The following MBOAT2 variants were observed in gnomAD, a reference collection of about 807,000 sequenced individuals.
MBOAT2 encodes the protein membrane bound glycerophospholipid O-acyltransferase 2.
Under a neutral mutation model 63.4 loss-of-function variants are expected in MBOAT2, and 28 were observed. The ratio of observed to expected loss-of-function variants is 0.44; its 90% CI spans 0.33 to 0.61. MBOAT2 has a LOEUF of 0.61. MBOAT2 is among the 20% of genes least tolerant of loss of function. The pLI, the probability that MBOAT2 is intolerant of heterozygous loss-of-function variation, is 0.03. For missense variants in MBOAT2, 470 were observed against 605.8 expected, an observed-to-expected ratio of 0.78 and a Z score of 2.35; for synonymous variants, 211 against 215.6, an observed-to-expected ratio of 0.98 and a Z score of 0.19.
chr2:8,907,059 CTAATGT>C (rs1665383850), intron 4 of MBOAT2, among the ~76,000 whole-genome samples: 1 of 152,102 alleles, frequency 6.6e-6, no homozygotes, highest in South Asian at 2.1e-4. Flanking sequence ...CCTTAAGTTG[CTAATGT>C]TAATATTTGT....
chr2:8,948,370 G>C (rs778554207), intron 2 of MBOAT2, among the ~76,000 whole-genome samples: 2 of 151,940 alleles, frequency 1.3e-5, no homozygotes, highest in African/African-American at 2.4e-5. Context: ...TTATACTCAG[G>C]GGATACATAT....
At chr2:8,963,485 G>A (rs866931586) in intron 1 of MBOAT2, among the ~76,000 whole-genome samples, 1 of 151,980 alleles carries the variant, frequency 6.6e-6, no homozygotes, top group South Asian at 2.1e-4. Flanking sequence ...TGTATTTTTA[G>A]TAGAGATGGG....
At chr2:8,950,059 TA>T (rs1453069540) in intron 2 of MBOAT2, among the ~76,000 whole-genome samples, 2 of 152,190 alleles carry the variant, frequency 1.3e-5, no homozygotes, top group Non-Finnish European at 2.9e-5. Context: ...TATTCCTAGG[TA>T]TTTTTTTTTC....
intron 12 of MBOAT2, 52 bp downstream of exon 12, chr2:8,860,561 C>T: frequency 6.4e-7 from 1 of 1,567,476 alleles, no homozygotes; most frequent in Non-Finnish European, 8.7e-7. Context: ...AAGAAACTTT[C>T]TTTTGAAAAT....
At chr2:8,974,643 G>T (rs1183261240) in intron 1 of MBOAT2, among the ~76,000 whole-genome samples, 1 of 152,120 alleles carries the variant, frequency 6.6e-6, no homozygotes, top group Non-Finnish European at 1.5e-5. Context: ...TGTGGTAAAA[G>T]TGAGACTTAT....
intron 1 of MBOAT2, among the ~76,000 whole-genome samples, chr2:8,975,813 A>AC: frequency 6.6e-6 from 1 of 152,036 alleles, no homozygotes; most frequent in South Asian, 2.1e-4. Context: ...AAAAAAAAAA[A>AC]ACGATGGCCA....
chr2:8,876,177 A>C lies in MBOAT2; in HGVS notation c.690+853T>G, dbSNP rs559238920. ...AGAGCCTCACTGCCTTTCTTTATGA[A>C]GCAGCATCCCAGCAATTTCAAGTGC... On this transcript the variant is annotated intron_variant, in intron 7 of 12. Coordinates refer to ENST00000305997, the MANE Select transcript of MBOAT2 (RefSeq NM_138799.4). Among the ~76,000 whole-genome samples, 49 of 152,372 alleles carry C rather than the reference A, an allele frequency of 3.2e-4. 1 individual carries two copies. The South Asian group carries it at 6.6e-3, about 21-fold the overall frequency.
intron 3 of MBOAT2, among the ~76,000 whole-genome samples, chr2:8,926,721 C>T (rs1381351267): frequency 1.3e-5 from 2 of 152,194 alleles, no homozygotes; most frequent in Non-Finnish European, 2.9e-5. Flanking sequence ...CAGACAGATA[C>T]TGTAAAAATC....
chr2:8,961,360 T>C (rs1404959949), intron 1 of MBOAT2, among the ~76,000 whole-genome samples: 1 of 152,100 alleles, frequency 6.6e-6, no homozygotes, highest in Non-Finnish European at 1.5e-5. Context: ...TTAAAGAAAA[T>C]TGGACAATGG....
chr2:8,972,922 G>C (rs1670553567), intron 1 of MBOAT2, among the ~76,000 whole-genome samples: 2 of 152,142 alleles, frequency 1.3e-5, no homozygotes, highest in Non-Finnish European at 2.9e-5. Context: ...CTGTTGATGG[G>C]ACTGTAAACT....
rs1672877605 is a variant in MBOAT2 at position 9,003,636 on chromosome 2, C to G, written c.-22G>C. 4 of 1,152,164 alleles carry G rather than the reference C, an allele frequency of 3.5e-6. No individual in the cohort carries two copies. The highest frequency in any genetic ancestry group is 4.1e-5 in the South Asian group (1 of 24,100). The allele number at this position is 1,152,164 out of a possible 1,614,324, so 71.4% of individuals were successfully genotyped here. On this transcript the variant is annotated 5_prime_UTR_variant, in exon 1 of 13. Transcript: ENST00000305997. The surrounding 1 kb of genome is among the most constrained non-coding windows in gnomAD (Gnocchi z 5.4). ...CCATGGCCGGGCCTCGGCGCTCCGG[C>G]CGCCCGCGCCGCTCGCCCGCTCGCG...
At chr2:8,986,953 A>T (rs899553695) in intron 1 of MBOAT2, among the ~76,000 whole-genome samples, 1 of 152,202 alleles carries the variant, frequency 6.6e-6, no homozygotes, top group Non-Finnish European at 1.5e-5. Flanking sequence ...GCGAGAAAAT[A>T]AATTTCTGTT....
chr2:8,911,996 A>T (rs908112778), intron 3 of MBOAT2, among the ~76,000 whole-genome samples: 1 of 152,126 alleles, frequency 6.6e-6, no homozygotes, highest in African/African-American at 2.4e-5. Flanking sequence ...AAATCACATG[A>T]TATCTCAACA....
At chr2:8,897,224 TCC>T (rs1453962244) in intron 4 of MBOAT2, among the ~76,000 whole-genome samples, 6 of 138,196 alleles carry the variant, frequency 4.3e-5, no homozygotes, top group African/African-American at 2.0e-4. Flanking sequence ...CCTCTCTGTC[TCC>T]TTCTTTGTCT....
At chr2:8,965,329 T>G (rs1669907864) in intron 1 of MBOAT2, among the ~76,000 whole-genome samples, 1 of 152,186 alleles carries the variant, frequency 6.6e-6, no homozygotes, top group South Asian at 2.1e-4. Context: ...ATAAATTTTA[T>G]TACATTTCAC....
chr2:8,947,728 T>C (rs984269643), intron 2 of MBOAT2, among the ~76,000 whole-genome samples: 7 of 152,150 alleles, frequency 4.6e-5, no homozygotes, highest in African/African-American at 1.7e-4. Flanking sequence ...TCGAGATCCA[T>C]TGCTCAGAAA....
chr2:8,912,327 GAA>G (rs759803850), intron 3 of MBOAT2, among the ~76,000 whole-genome samples: 3 of 91,110 alleles, frequency 3.3e-5, no homozygotes, highest in African/African-American at 1.4e-4. Context: ...AAGAAAGAAA[GAA>G]AGAAAGAAAG....
chr2:8,925,787 A>G (rs1185927301), intron 3 of MBOAT2, among the ~76,000 whole-genome samples: 1 of 152,246 alleles, frequency 6.6e-6, no homozygotes, highest in Non-Finnish European at 1.5e-5. Context: ...ACTGAATATG[A>G]TGCATGTGTG....
At chr2:8,904,950 TATCTA>T (rs1284102156) in intron 4 of MBOAT2, among the ~76,000 whole-genome samples, 4 of 152,186 alleles carry the variant, frequency 2.6e-5, no homozygotes, top group Non-Finnish European at 4.4e-5. Flanking sequence ...AGTTTATCTT[TATCTA>T]ATCAACATTT....
Sources: gnomAD v4.1 joint callset for allele counts (sites outside exome capture counted in the v4.1 genomes callset) on GRCh38, gnomAD v4.1.1 for gene constraint, Gnocchi (gnomAD v3.1) non-coding constraint, MANE v1.5 for transcripts, NCBI Gene and HGNC (gene_info 2026-07-23, HGNC 2026-07-21) for gene names.